SDK1: variants seen among roughly 807,000 people sequenced by gnomAD.
SDK1 encodes protein sidekick-1.
SDK1 carries 157 observed loss-of-function variants against 245.5 expected under a neutral mutation model. The observed-to-expected ratio is 0.64, with a 90% CI of 0.56 to 0.73. The LOEUF is 0.73. Ranked by LOEUF, SDK1 falls within the 30% of genes least tolerant of loss-of-function variation. SDK1 has a pLI of 0.00. For missense variants in SDK1, 3,583 were observed against 3,002.3 expected (o/e 1.19, Z -4.52); for synonymous variants, 1,647 against 1,278.5 (o/e 1.29, Z -6.15).
intron 1 of SDK1, among the ~76,000 whole-genome samples, chr7:3,565,123 A>T (rs995937947): frequency 6.6e-6 from 1 of 151,214 alleles, no homozygotes; most frequent in Non-Finnish European, 1.5e-5. Context: ...TTTTTTTTAA[A>T]CCTCACAAGG....
intron 4 of SDK1, among the ~76,000 whole-genome samples, chr7:3,820,940 AG>A (rs895614290): frequency 6.6e-5 from 10 of 152,238 alleles, no homozygotes. Flanking sequence ...GTTAAGTTGA[AG>A]GGGGGCAGCA....
rs542487711 is a variant in SDK1, at chr7:3,424,917, C to T, written c.298+123033C>T. Among the ~76,000 whole-genome samples, 6 of 152,106 alleles carry T rather than the reference C, an allele frequency of 3.9e-5. No homozygotes were observed. In the South Asian group the frequency reaches 1.2e-3, roughly 32 times the overall value. ...GTCTCAAAAAACAAATATTTTTCAT[C>T]CTTGGAAAAATAAAACCTAAAATAA... is the stretch of plus-strand genomic sequence containing the variant. On this transcript the variant is annotated intron_variant, in intron 1 of 44. Transcript: ENST00000404826.
chr7:3,584,731 A>ATTT (rs10683288), intron 1 of SDK1, among the ~76,000 whole-genome samples: 50,902 of 146,268 alleles, frequency 0.35, 9,153 homozygotes, highest in South Asian at 0.48. Flanking sequence ...ACTTCACGTT[A>ATTT]TTTTTTTTTT....
At chr7:3,746,357 T>G (rs940962753) in intron 4 of SDK1, among the ~76,000 whole-genome samples, 1 of 152,198 alleles carries the variant, frequency 6.6e-6, no homozygotes, top group South Asian at 2.1e-4. Flanking sequence ...ATCAGTCTGA[T>G]GGTTGCTGAA....
At chr7:3,647,844 C>T (rs1413593734) in intron 4 of SDK1, among the ~76,000 whole-genome samples, 3 of 152,030 alleles carry the variant, frequency 2.0e-5, no homozygotes, top group African/African-American at 4.8e-5. Flanking sequence ...GAAGAAAAGT[C>T]GTGTAATGTC....
At chr7:4,209,590 C>A (rs1279968812) in intron 37 of SDK1, among the ~76,000 whole-genome samples, 2 of 152,200 alleles carry the variant, frequency 1.3e-5, no homozygotes, top group African/African-American at 4.8e-5. Flanking sequence ...CCCCAAAACC[C>A]CCAGGCCTCT....
chr7:3,675,505 T>C (rs1276983279), intron 4 of SDK1, among the ~76,000 whole-genome samples: 1 of 152,218 alleles, frequency 6.6e-6, no homozygotes, highest in African/African-American at 2.4e-5. Context: ...TAAAGTGGCC[T>C]ACAAAAGTCT....
intron 1 of SDK1, among the ~76,000 whole-genome samples, chr7:3,359,280 G>A (rs1780889583): frequency 1.3e-5 from 2 of 152,182 alleles, no homozygotes; most frequent in African/African-American, 4.8e-5. Context: ...GGAGGCTTGA[G>A]CCTGATGGCA....
chr7:4,184,517 G>T (rs538810269), intron 35 of SDK1, among the ~76,000 whole-genome samples: 3 of 152,314 alleles, frequency 2.0e-5, no homozygotes, highest in African/African-American at 7.2e-5. Context: ...TGGTGAATGA[G>T]GGGGACCCTG....
chr7:4,201,805 C>A (rs531308444), intron 35 of SDK1, among the ~76,000 whole-genome samples: 16 of 152,196 alleles, frequency 1.1e-4, no homozygotes, highest in East Asian at 3.9e-4. Flanking sequence ...CACAGGGAGG[C>A]TTTGGCAACA....
chr7:4,018,322 T>G (rs957962751), intron 17 of SDK1, among the ~76,000 whole-genome samples: 1 of 152,242 alleles, frequency 6.6e-6, no homozygotes, highest in Non-Finnish European at 1.5e-5. Flanking sequence ...CTAATGTTCC[T>G]TGATATTACA....
chr7:4,067,815 A>G (rs755064228), intron 19 of SDK1, 23 bp from the exon 20 acceptor site: 2 of 1,586,076 alleles, frequency 1.3e-6, no homozygotes, highest in Non-Finnish European at 1.7e-6. Context: ...GTGTTAACAG[A>G]TGACTTTGCT....
At chr7:3,490,144 T>A (rs1781825253) in intron 1 of SDK1, among the ~76,000 whole-genome samples, 1 of 152,246 alleles carries the variant, frequency 6.6e-6, no homozygotes, top group South Asian at 2.1e-4. Flanking sequence ...AACTATGGAC[T>A]ACTAGTATAG....
chr7:4,030,730 A>G (rs182750144), intron 17 of SDK1, among the ~76,000 whole-genome samples: 6 of 152,342 alleles, frequency 3.9e-5, no homozygotes, highest in Admixed American at 3.3e-4. Flanking sequence ...GCTTGCGTCC[A>G]TGCCTTGGCA....
chr7:4,172,397 C>A (rs1781902427), intron 32 of SDK1, among the ~76,000 whole-genome samples: 2 of 152,180 alleles, frequency 1.3e-5, no homozygotes, highest in African/African-American at 4.8e-5. Context: ...AGTGCAAGCC[C>A]CCCTCACTAT....
At chr7:3,312,520 G>C (rs1309572183) in intron 1 of SDK1, among the ~76,000 whole-genome samples, 1 of 152,048 alleles carries the variant, frequency 6.6e-6, no homozygotes, top group East Asian at 1.9e-4. Flanking sequence ...CATGGAGTTG[G>C]AAAAGAACCC....
chr7:3,697,289 T>C (rs1464095946), intron 4 of SDK1, among the ~76,000 whole-genome samples: 1 of 152,228 alleles, frequency 6.6e-6, no homozygotes, highest in East Asian at 1.9e-4. Flanking sequence ...GTAGTGCTAA[T>C]TACTCATCCC....
intron 8 of SDK1, 67 bp from the exon 9 acceptor site, chr7:3,962,590 C>T (rs989714415): frequency 1.5e-6 from 2 of 1,337,590 alleles, no homozygotes; most frequent in Non-Finnish European, 2.0e-6. Flanking sequence ...GCCTTTGAAA[C>T]AGATGTGCTT....
chr7:4,008,384 C>T (rs1785663495), intron 14 of SDK1, among the ~76,000 whole-genome samples: 1 of 152,246 alleles, frequency 6.6e-6, no homozygotes, highest in East Asian at 1.9e-4. Flanking sequence ...TTTACTTCTG[C>T]GCAGAGGGGT....
Sources: allele counts gnomAD v4.1 joint callset (sites outside exome capture counted in the v4.1 genomes callset), GRCh38; gene constraint gnomAD v4.1.1; transcripts MANE v1.5; gene names NCBI Gene and HGNC (gene_info 2026-07-23, HGNC 2026-07-21).